Variants in RNF41 observed in about 807,000 individuals in gnomAD.
The protein encoded by RNF41 is E3 ubiquitin-protein ligase NRDP1.
Under a neutral mutation model 33.0 loss-of-function variants are expected in RNF41, and 4 were observed. The ratio of observed to expected loss-of-function variants is 0.12; its 90% CI spans 0.06 to 0.28. RNF41 has a LOEUF of 0.28. Among genes scored for constraint, RNF41 ranks in the 10% least tolerant of loss-of-function variants. The pLI is 1.00. For synonymous variants in RNF41, 164 were observed against 153.2 expected (o/e 1.07, Z -0.52); for missense variants, 228 against 432.6 (o/e 0.53, Z 4.19).
rs901838284 is a variant in RNF41 at position 56,219,341 on chromosome 12, G to A, written c.-209+2419C>T. ...CAAGTAGCTGGGACTACAGGCGCCCGCCAGGACGCCCAGCTAATTTTTTTT... is the reference window on the plus strand; with the variant it reads ...CAAGTAGCTGGGACTACAGGCGCCCACCAGGACGCCCAGCTAATTTTTTTT... On this transcript the variant is annotated intron_variant, in intron 1 of 6. Transcript: ENST00000345093. Among the ~76,000 whole-genome samples, 13 of 151,636 alleles carry A rather than the reference G, an allele frequency of 8.6e-5. No homozygotes were observed. In the South Asian group the frequency reaches 1.5e-3, roughly 17 times the overall value.
Position 56,207,573 on chromosome 12 carries a change from C to A in RNF41, c.602+73G>T. ...GCTCTCCAATGCCCTCCTTCTGCTACTCTCCTGCTCTTCCTCCTTTCAGGC... is the reference window on the plus strand; with the variant it reads ...GCTCTCCAATGCCCTCCTTCTGCTAATCTCCTGCTCTTCCTCCTTTCAGGC... On this transcript the variant is annotated intron_variant, in intron 6 of 6. Transcript: ENST00000345093. The A allele has an allele frequency of 2.6e-6, 3 of 1,162,162 alleles. No individual in the cohort carries two copies. The South Asian group carries it at 3.7e-5, about 14-fold the overall frequency. 72.0% of individuals were successfully genotyped at this position (1,162,162 alleles called of 1,614,324 possible).
Position 56,206,421 on chromosome 12 carries a change from T to C in RNF41, c.*26A>G, listed in dbSNP as rs759684967. On this transcript the variant is annotated 3_prime_UTR_variant, in exon 7 of 7. Coordinates refer to ENST00000345093, the MANE Select transcript of RNF41 (RefSeq NM_005785.4). The surrounding 1 kb of genome is among the most constrained non-coding windows in gnomAD (Gnocchi z 5.7). The stretch of plus-strand genomic sequence containing the variant: ...GTGATGGGATTTTCTGATTTCCATC[T>C]CTTCCTGATAGCCAGTCGAGTTCTC... 77 of 1,565,364 alleles carry C rather than the reference T, an allele frequency of 4.9e-5. No homozygotes were observed. The highest frequency in any genetic ancestry group is 6.6e-5 in the Non-Finnish European group (76 of 1,149,066).
intron 1 of RNF41, among the ~76,000 whole-genome samples, chr12:56,221,043 T>C (rs1207608080): frequency 6.6e-6 from 1 of 152,142 alleles, no homozygotes; most frequent in Non-Finnish European, 1.5e-5. Context: ...CCACTTGCTA[T>C]TAAATGAAAT....
chr12:56,206,230 C>T lies in RNF41; in HGVS notation c.*217G>A. 1.8e-6 allele frequency: 1 copy of T among 543,284 alleles called. No homozygotes were observed. The highest frequency in any genetic ancestry group is 3.3e-6 in the Non-Finnish European group (1 of 307,168). The allele number at this position is 543,284 out of a possible 1,614,324, so 33.7% of individuals were successfully genotyped here. On this transcript the variant is annotated 3_prime_UTR_variant, in exon 7 of 7. Transcript: ENST00000345093. This position sits in a 1 kb window ranked among gnomAD's most constrained non-coding sequence, Gnocchi z 5.7. ...CCCACCCAGACTGATAATTTATAGA[C>T]ATTTTAGGGGAATATGGCAAAGGGA... is the stretch of plus-strand genomic sequence containing the variant.
Position 56,206,293 on chromosome 12 carries a change from T to C in RNF41, c.*154A>G. ...TTCCCACCTGAAAGGCTGAGCAAAC[T>C]ACCCCAAGGCCCTTCAGTGCCAGAA... On this transcript the variant is annotated 3_prime_UTR_variant, in exon 7 of 7. Coordinates refer to ENST00000345093, the MANE Select transcript of RNF41 (RefSeq NM_005785.4). The surrounding 1 kb of genome is among the most constrained non-coding windows in gnomAD (Gnocchi z 5.7). The C allele has an allele frequency of 1.5e-6, 1 of 687,574 alleles. No individual in the cohort carries two copies. The highest frequency in any genetic ancestry group is 2.5e-6 in the Non-Finnish European group (1 of 405,802). The allele number at this position is 687,574 out of a possible 1,614,324, so 42.6% of individuals were successfully genotyped here. A position where few individuals can be genotyped will look rare whatever the true frequency, so the allele number is the denominator to read the frequency against.
At position 56,208,145 on chromosome 12, in the gene RNF41, C is replaced by T; in HGVS notation, c.498+18G>A. The stretch of plus-strand genomic sequence containing the variant: ...CTGCATATGAGGGATATGTTCTCCC[C>T]CGTGTCTTGGGGCCTACCTGCTCCG... On this transcript the variant is annotated intron_variant, in intron 5 of 6. Coordinates refer to ENST00000345093, the MANE Select transcript of RNF41 (RefSeq NM_005785.4). The T allele has an allele frequency of 6.2e-7, 1 of 1,614,134 alleles. No homozygotes were observed. The highest frequency in any genetic ancestry group is 8.5e-7 in the Non-Finnish European group (1 of 1,180,030).
At position 56,205,173 on chromosome 12, in the gene RNF41, T is replaced by C. The variant is rs1424224173; in HGVS notation, c.*1274A>G. On this transcript the variant is annotated 3_prime_UTR_variant, in exon 7 of 7. Coordinates refer to ENST00000345093, the MANE Select transcript of RNF41 (RefSeq NM_005785.4). The stretch of plus-strand genomic sequence containing the variant: ...AAATGAATACTCTAAATCCAGAGTT[T>C]TATGATAAGGCCCTGGAAGGGCTAG... 6.6e-6 allele frequency: 1 copy of C among 152,208 alleles called. No homozygotes were observed. Among genetic ancestry groups the C allele is most frequent in the African/African-American group, 2.4e-5 (1 of 41,456 alleles). 9.4% of individuals were successfully genotyped at this position (152,208 alleles called of 1,614,324 possible). A position where few individuals can be genotyped will look rare whatever the true frequency, so the allele number is the denominator to read the frequency against.
intron 2 of RNF41, among the ~76,000 whole-genome samples, chr12:56,215,021 C>T (rs1468203418): frequency 6.6e-6 from 1 of 152,138 alleles, no homozygotes; most frequent in African/African-American, 2.4e-5. Flanking sequence ...TCACCAGAAA[C>T]GTGTCCTGTA....
Position 56,206,354 on chromosome 12 carries a change from G to T in RNF41, c.*93C>A. 1 of 1,092,030 alleles carries T rather than the reference G, an allele frequency of 9.2e-7. No individual in the cohort carries two copies. The highest frequency in any genetic ancestry group is 1.5e-5 in the South Asian group (1 of 68,834). 67.6% of individuals were successfully genotyped at this position (1,092,030 alleles called of 1,614,324 possible). On this transcript the variant is annotated 3_prime_UTR_variant, in exon 7 of 7. Transcript: ENST00000345093. The surrounding 1 kb of genome is among the most constrained non-coding windows in gnomAD (Gnocchi z 5.7). ...ATGTGTGGCTCAGGTATAAGCCACA[G>T]TATTAAGAATGGTGGGTAGGACTCA...
At position 56,210,298 on chromosome 12, in the gene RNF41, C is replaced by A; in HGVS notation, c.361G>T (p.Gly121Cys). 2 of 1,611,622 alleles carry A rather than the reference C, an allele frequency of 1.2e-6. No individual in the cohort carries two copies. Among genetic ancestry groups the A allele is most frequent in the Non-Finnish European group, 1.7e-6 (2 of 1,177,884 alleles). Residue 121 changes from glycine (G) to cysteine (C), a missense_variant and splice_region_variant, in exon 4 of 7, where the codon GGC becomes TGC. Transcript: ENST00000345093. ...KRPVTCEQGCGLEMPKDELPN... is the reference protein window; with the variant it reads ...KRPVTCEQGCCLEMPKDELPN... Reference sequence around the variant, plus strand: ...GGGGCAGAAGGGAACAAATCTCACCCACAGCCCTGTTCACAGGTCACAGGC... The same window carrying A: ...GGGGCAGAAGGGAACAAATCTCACCAACAGCCCTGTTCACAGGTCACAGGC...
At position 56,205,574 on chromosome 12, in the gene RNF41, G is replaced by C. The variant is rs1001107923; in HGVS notation, c.*873C>G. 4 of 150,862 alleles carry C rather than the reference G, an allele frequency of 2.7e-5. No individual in the cohort carries two copies. The highest frequency in any genetic ancestry group is 4.9e-5 in the African/African-American group (2 of 40,832). The allele number at this position is 150,862 out of a possible 1,614,324, so 9.3% of individuals were successfully genotyped here. ...AGGCCATTCTTAAAAAAAAGAGGGGGGGGGGCAGTAGGTGGAGTTTGTGAA... is the reference window on the plus strand; with the variant it reads ...AGGCCATTCTTAAAAAAAAGAGGGGCGGGGGCAGTAGGTGGAGTTTGTGAA... On this transcript the variant is annotated 3_prime_UTR_variant, in exon 7 of 7. Transcript: ENST00000345093.
At chr12:56,210,681 G>A (rs934488454) in intron 3 of RNF41, 113 bp from the exon 4 acceptor site, 15 of 1,024,586 alleles carry the variant, frequency 1.5e-5, no homozygotes, top group Admixed American at 1.3e-4. Context: ...TCTACGACAA[G>A]AGGTCCACTG....
intron 3 of RNF41, among the ~76,000 whole-genome samples, chr12:56,212,148 T>C (rs181756180): frequency 3.7e-4 from 56 of 152,266 alleles, no homozygotes; most frequent in Admixed American, 1.6e-3. Context: ...CAAATACATA[T>C]ATATGCAGAC....
In RNF41 at chr12:56,203,400, G is replaced by GTTTTTTTTTTTTTTTTTTT. The variant is rs71081332; in HGVS notation, c.*3028_*3046dup. The GTTTTTTTTTTTTTTTTTTT allele has an allele frequency of 1.5e-4, 2 of 13,624 alleles. 1 individual carries two copies. Among genetic ancestry groups the GTTTTTTTTTTTTTTTTTTT allele is most frequent in the Non-Finnish European group, 3.8e-4 (2 of 5,236 alleles). The allele number at this position is 13,624 out of a possible 1,614,324, so 0.8% of individuals were successfully genotyped here. A position where few individuals can be genotyped will look rare whatever the true frequency, so the allele number is the denominator to read the frequency against. On this transcript the variant is annotated 3_prime_UTR_variant, in exon 7 of 7. Transcript: ENST00000345093. ...TAGCAGCAAATACTTATGAAGACTG[G>GTTTTTTTTTTTTTTTTTTT]TTTTTTTTTTTTTTTTTTTGAGACG...
chr12:56,212,108 C>G (rs1401630404), intron 3 of RNF41, among the ~76,000 whole-genome samples: 1 of 152,200 alleles, frequency 6.6e-6, no homozygotes, highest in African/African-American at 2.4e-5. Flanking sequence ...TGGTGAAACA[C>G]AGATATATTC....
intron 4 of RNF41, chr12:56,210,041 G>A: frequency 1.9e-6 from 1 of 514,460 alleles, no homozygotes; most frequent in East Asian, 3.2e-5. Flanking sequence ...GAAGAATAGA[G>A]TCAATCAAGC....
intron 3 of RNF41, among the ~76,000 whole-genome samples, chr12:56,211,947 A>G (rs1402159734): frequency 1.3e-5 from 2 of 151,986 alleles, no homozygotes; most frequent in Non-Finnish European, 2.9e-5. Flanking sequence ...ACTCCAGCCT[A>G]GGCTAAAGTG....
In RNF41 at chr12:56,210,485, A is replaced by G. The variant is rs768749291; in HGVS notation, c.174T>C (p.Ser58=). 2 of 1,614,172 alleles carry G rather than the reference A, an allele frequency of 1.2e-6. No homozygotes were observed. The highest frequency in any genetic ancestry group is 1.7e-6 in the Non-Finnish European group (2 of 1,180,012). ...GGCGCAGATGGGCGACCGTCACAAC[A>G]CTACGGTCCACTGGACATGTCTGTT... The part of the protein sequence containing the change: ...SQQQTCPVDR[S]VVTVAHLRPV... The change falls in exon 4 of 7, where the codon AGT becomes AGC. Residue 58 remains serine, a synonymous_variant. Coordinates refer to ENST00000345093, the MANE Select transcript of RNF41 (RefSeq NM_005785.4).
At chr12:56,215,105 C>T (rs1868773937) in intron 2 of RNF41, among the ~76,000 whole-genome samples, 1 of 151,996 alleles carries the variant, frequency 6.6e-6, no homozygotes, top group South Asian at 2.1e-4. Flanking sequence ...CATCCAAATG[C>T]CCAGAAGAGG....
Sources: allele counts gnomAD v4.1 joint callset (sites outside exome capture counted in the v4.1 genomes callset), GRCh38; gene constraint gnomAD v4.1.1; non-coding constraint Gnocchi (gnomAD v3.1); transcripts MANE v1.5; gene names NCBI Gene and HGNC (gene_info 2026-07-23, HGNC 2026-07-21).